ATP2A3: variants seen among roughly 807,000 people sequenced by gnomAD.
ATP2A3 encodes sarcoplasmic/endoplasmic reticulum calcium ATPase 3.
A neutral mutation model predicts 106.8 loss-of-function variants in ATP2A3; 61 were observed. That is an observed-to-expected ratio of 0.57 (90% confidence interval 0.46 to 0.71). The LOEUF (loss-of-function observed/expected upper bound fraction) is 0.71. ATP2A3 is among the 30% of genes least tolerant of loss of function. The pLI, the probability that ATP2A3 is intolerant of heterozygous loss-of-function variation, is 0.00. For synonymous variants in ATP2A3, 611 were observed against 609.3 expected (o/e 1.00, Z -0.04); for missense variants, 1,201 against 1,423.5 (o/e 0.84, Z 2.52).
At chr17:3,948,229 G>A (rs1257711080) in intron 7 of ATP2A3, among the ~76,000 whole-genome samples, 1 of 152,298 alleles carries the variant, frequency 6.6e-6, no homozygotes, top group East Asian at 1.9e-4. Context: ...AGCTGACTAC[G>A]AACCCAATAA....
chr17:3,935,269 C>T lies in ATP2A3; in HGVS notation c.2533G>A (p.Gly845Ser), dbSNP rs2053369189. The change falls in exon 17 of 21, where the codon GGC becomes AGC. Residue 845 changes from glycine to serine, a missense_variant. Around this residue, in one of 2 missense-constraint regions of ATP2A3, gnomAD observed 935 missense variants for 1,176.7 expected, o/e 0.79. Coordinates refer to ENST00000397041, the MANE Select transcript of ATP2A3 (RefSeq NM_005173.4). ...FRYLAIGVYV[G>S]LATVAAATWW... ...GTGGCGGCAGCCACTGTGGCCAGGCCTACGTACACTGCGGGGAAGGGAGGA... is the reference window on the plus strand; with the variant it reads ...GTGGCGGCAGCCACTGTGGCCAGGCTTACGTACACTGCGGGGAAGGGAGGA... 1.9e-6 allele frequency: 3 copies of T among 1,613,590 alleles called. No individual in the cohort carries two copies. The highest frequency in any genetic ancestry group is 1.7e-5 in the Admixed American group (1 of 60,012).
Position 3,958,781 on chromosome 17 carries a change from CATATATAT to C in ATP2A3, c.119-5079_119-5072del, listed in dbSNP as rs1160647483. Among the ~76,000 whole-genome samples, 8 of 62,172 alleles carry C rather than the reference CATATATAT, an allele frequency of 1.3e-4. 1 individual carries two copies. Among genetic ancestry groups the C allele is most frequent in the African/African-American group, 6.1e-4 (8 of 13,154 alleles). The allele number at this position is 62,172 out of a possible 152,430, so 40.8% of individuals were successfully genotyped here. On this transcript the variant is annotated intron_variant, in intron 1 of 20. Transcript: ENST00000397041. The stretch of plus-strand genomic sequence containing the variant: ...ATACACACACATATATATACACACA[CATATATAT>C]ACACATATATATACACACATATATA...
At chr17:3,932,642 G>T (rs2053172975) in intron 17 of ATP2A3, among the ~76,000 whole-genome samples, 1 of 152,178 alleles carries the variant, frequency 6.6e-6, no homozygotes, top group Non-Finnish European at 1.5e-5. Flanking sequence ...GTTTCGCCAT[G>T]TTGTCCAGGC....
At chr17:3,946,350 T>G (rs956386965) in intron 8 of ATP2A3, among the ~76,000 whole-genome samples, 2 of 151,302 alleles carry the variant, frequency 1.3e-5, no homozygotes, top group Admixed American at 6.6e-5. Context: ...TCAGGAGTTA[T>G]AGACCAGCCT....
chr17:3,946,790 C>G (rs1486055423), intron 8 of ATP2A3, among the ~76,000 whole-genome samples: 3 of 152,176 alleles, frequency 2.0e-5, no homozygotes, highest in Admixed American at 6.5e-5. Flanking sequence ...GTGGGGAACA[C>G]ATAGCCTTCA....
intron 11 of ATP2A3, 128 bp from the exon 12 acceptor site, chr17:3,942,859 C>T: frequency 7.1e-7 from 1 of 1,412,792 alleles, no homozygotes; most frequent in South Asian, 1.2e-5. Context: ...TCCTCTGACC[C>T]CACCATTCAA....
chr17:3,952,257 C>T (rs2054491095), intron 3 of ATP2A3, among the ~76,000 whole-genome samples: 2 of 152,084 alleles, frequency 1.3e-5, no homozygotes, highest in South Asian at 2.1e-4. Flanking sequence ...GCTAATTTTT[C>T]GTATTTTAGT....
rs2054172592 is a variant in ATP2A3, at chr17:3,947,405, T to A, written c.1081A>T (p.Met361Leu). 1.2e-6 allele frequency: 2 copies of A among 1,613,728 alleles called. No homozygotes were observed. Among genetic ancestry groups the A allele is most frequent in the Non-Finnish European group, 1.7e-6 (2 of 1,180,038 alleles). ...DKTGTLTTNQ[M>L]SVCRMFVVAE... ...CCGTCACTCACCCGGCAGACAGACA[T>A]CTGATTGGTGGTGAGCGTGCCCGTC... Residue 361 changes from methionine to leucine, a missense_variant, in exon 8 of 21, where the codon ATG becomes TTG. This residue lies in a region of ATP2A3 where 935 missense variants were observed against 1,176.7 expected (regional missense o/e 0.79). Coordinates refer to ENST00000397041, the MANE Select transcript of ATP2A3 (RefSeq NM_005173.4). This position sits in a 1 kb window ranked among gnomAD's most constrained non-coding sequence, Gnocchi z 7.7.
chr17:3,933,602 G>C (rs541296788), intron 17 of ATP2A3, among the ~76,000 whole-genome samples: 23 of 151,286 alleles, frequency 1.5e-4, no homozygotes, highest in Non-Finnish European at 2.8e-4. Context: ...CGGGCATGGT[G>C]GTGGGCGCCT....
rs776504457 is a variant in ATP2A3, at chr17:3,925,051, G to C, written c.*371C>G. On this transcript the variant is annotated 3_prime_UTR_variant, in exon 21 of 21. Transcript: ENST00000397041. This position sits in a 1 kb window ranked among gnomAD's most constrained non-coding sequence, Gnocchi z 4.2. Reference sequence around the variant, plus strand: ...AGTGAACGTCCAGCTTCCGAACAAGGGGGAGCAAGCTCCAGCTGCACTCGT... The same window carrying C: ...AGTGAACGTCCAGCTTCCGAACAAGCGGGAGCAAGCTCCAGCTGCACTCGT... 418 of 460,066 alleles carry C rather than the reference G, an allele frequency of 9.1e-4. No homozygotes were observed. The highest frequency in any genetic ancestry group is 1.3e-3 in the Non-Finnish European group (334 of 247,646). The allele number at this position is 460,066 out of a possible 1,614,324, so 28.5% of individuals were successfully genotyped here.
Position 3,947,211 on chromosome 17 carries a change from A to G in ATP2A3, c.1095+180T>C, listed in dbSNP as rs2054162193. The stretch of plus-strand genomic sequence containing the variant: ...AGGCCTCAGTGACATGTGGCTACCC[A>G]GGCATGATTTGCTATAGTCTCCCTG... On this transcript the variant is annotated intron_variant, in intron 8 of 20. Transcript: ENST00000397041. The surrounding 1 kb of genome is among the most constrained non-coding windows in gnomAD (Gnocchi z 7.7). Among the ~76,000 whole-genome samples the G allele has an allele frequency of 6.6e-6, 1 of 152,180 alleles. No homozygotes were observed. The highest frequency in any genetic ancestry group is 2.4e-5 in the African/African-American group (1 of 41,450).
chr17:3,935,778 T>A (rs1300882629), intron 16 of ATP2A3, among the ~76,000 whole-genome samples: 1 of 152,126 alleles, frequency 6.6e-6, no homozygotes, highest in African/African-American at 2.4e-5. Flanking sequence ...CCTCAGGTGA[T>A]CTGCCTGCCT....
At chr17:3,940,029 A>ATTTTTTT (rs1252348671) in intron 14 of ATP2A3, among the ~76,000 whole-genome samples, 2 of 122,572 alleles carry the variant, frequency 1.6e-5, no homozygotes, top group African/African-American at 8.2e-5. Context: ...AATGTGTCAT[A>ATTTTTTT]TCTTTTTTTT....
At position 3,955,892 on chromosome 17, in the gene ATP2A3, T is replaced by TTTTATTTTA. The variant is rs1555565898; in HGVS notation, c.119-2183_119-2182insTAAAATAAA. On this transcript the variant is annotated intron_variant, in intron 1 of 20. Transcript: ENST00000397041. This position sits in a 1 kb window ranked among gnomAD's most constrained non-coding sequence, Gnocchi z 4.2. Reference sequence around the variant, plus strand: ...CTCTTATTTTATTTTATTTTATTTTTTTTTTTTGAGATGGAGTCTTGCTCT... The same window carrying TTTTATTTTA: ...CTCTTATTTTATTTTATTTTATTTTTTTTATTTTATTTTTTTGAGATGGAGTCTTGCTCT... Among the ~76,000 whole-genome samples, 1 of 150,712 alleles carries TTTTATTTTA rather than the reference T, an allele frequency of 6.6e-6. No homozygotes were observed. Among genetic ancestry groups the TTTTATTTTA allele is most frequent in the African/African-American group, 2.5e-5 (1 of 40,736 alleles).
chr17:3,946,901 C>G (rs1204725450), intron 8 of ATP2A3, among the ~76,000 whole-genome samples: 1 of 152,240 alleles, frequency 6.6e-6, no homozygotes, highest in Non-Finnish European at 1.5e-5. Context: ...GGGCAGTGAG[C>G]CCAGGATGTG....
chr17:3,941,491 G>T lies in ATP2A3; in HGVS notation c.1709C>A (p.Pro570His). The change falls in exon 13 of 21, where the codon CCC becomes CAC. Residue 570 changes from proline to histidine, a missense_variant. By Grantham distance (77) the Pro-to-His change is moderately conservative. Around this residue, in one of 2 missense-constraint regions of ATP2A3, gnomAD observed 935 missense variants for 1,176.7 expected, o/e 0.79. Coordinates refer to ENST00000397041, the MANE Select transcript of ATP2A3 (RefSeq NM_005173.4). ...CAGCTCCATGTCCTCCTTCCTTGGGGGCGCGTCCCGGGTGGCCAGTGCCAG... is the reference window on the plus strand; with the variant it reads ...CAGCTCCATGTCCTCCTTCCTTGGGTGCGCGTCCCGGGTGGCCAGTGCCAG... ...RCLALATRDA[P>H]PRKEDMELDD... The T allele has an allele frequency of 6.2e-7, 1 of 1,614,050 alleles. No individual in the cohort carries two copies.
chr17:3,943,161 C>T (rs998986344), intron 11 of ATP2A3, among the ~76,000 whole-genome samples: 3 of 151,788 alleles, frequency 2.0e-5, no homozygotes, highest in Non-Finnish European at 2.9e-5. Flanking sequence ...TGGTGGCACG[C>T]GCCGGGAGGT....
At chr17:3,937,296 A>T in intron 15 of ATP2A3, 120 bp downstream of exon 15, 1 of 1,210,688 alleles carries the variant, frequency 8.3e-7, no homozygotes, top group Non-Finnish European at 1.2e-6. Context: ...GGAAAGCCCC[A>T]GCCAGGGCAG....
chr17:3,927,436 G>A (rs556216007), intron 20 of ATP2A3: 2 of 984,542 alleles, frequency 2.0e-6, no homozygotes, highest in African/African-American at 1.7e-5. Context: ...GGCTCTGCAG[G>A]TGAGTGAGTG....
Sources: gnomAD v4.1 joint callset for allele counts (sites outside exome capture counted in the v4.1 genomes callset) on GRCh38, gnomAD v4.1.1 for gene constraint, gnomAD v4.1.1 regional missense constraint, Gnocchi (gnomAD v3.1) non-coding constraint, MANE v1.5 for transcripts, NCBI Gene and HGNC (gene_info 2026-07-23, HGNC 2026-07-21) for gene names.